PTPRZ1: variants seen among roughly 807,000 people sequenced by gnomAD.
The protein encoded by PTPRZ1 is receptor-type tyrosine-protein phosphatase zeta.
A neutral mutation model predicts 214.1 loss-of-function variants in PTPRZ1; 82 were observed. That is an observed-to-expected ratio of 0.38 (90% CI 0.32 to 0.46). PTPRZ1 has a LOEUF of 0.46. Among genes scored for constraint, PTPRZ1 ranks in the 20% least tolerant of loss-of-function variants. PTPRZ1 has a pLI of 1.00. For missense variants in PTPRZ1, 2,603 were observed against 2,748.7 expected (o/e 0.95, Z 1.19); for synonymous variants, 945 against 987.9 (o/e 0.96, Z 0.81).
intron 24 of PTPRZ1, 117 bp downstream of exon 24, chr7:122,051,638 T>C: frequency 1.1e-6 from 1 of 918,654 alleles, no homozygotes; most frequent in Non-Finnish European, 1.7e-6. Context: ...ATATTTTTAA[T>C]TTTGTCCAAT....
chr7:121,899,708 C>A (rs1322065880), intron 1 of PTPRZ1, among the ~76,000 whole-genome samples: 1 of 152,114 alleles, frequency 6.6e-6, no homozygotes, highest in Non-Finnish European at 1.5e-5. Flanking sequence ...TAGCTCTGTG[C>A]AAGTCAGACT....
Position 121,955,759 on chromosome 7 carries a change from C to G in PTPRZ1, c.125-12192C>G, listed in dbSNP as rs114374838. Reference sequence around the variant, plus strand: ...GTCACAGTGTCACCTTATTTCTGAGCCTTTTCTTTCTTCTGAAGTGGTGTC... The same window carrying G: ...GTCACAGTGTCACCTTATTTCTGAGGCTTTTCTTTCTTCTGAAGTGGTGTC... On this transcript the variant is annotated intron_variant, in intron 2 of 29. Coordinates refer to ENST00000393386, the MANE Select transcript of PTPRZ1 (RefSeq NM_002851.3). Among the ~76,000 whole-genome samples the G allele has an allele frequency of 1.0e-3, 154 of 152,198 alleles. 1 individual carries two copies. Among genetic ancestry groups the G allele is most frequent in the African/African-American group, 3.4e-3 (143 of 41,516 alleles).
intron 1 of PTPRZ1, among the ~76,000 whole-genome samples, chr7:121,914,620 C>T (rs1253897005): frequency 6.6e-6 from 1 of 152,142 alleles, no homozygotes; most frequent in East Asian, 1.9e-4. Context: ...TCATTAAAAT[C>T]ATAAATCATC....
intron 2 of PTPRZ1, among the ~76,000 whole-genome samples, chr7:121,965,664 A>G (rs889626552): frequency 2.6e-5 from 4 of 152,180 alleles, no homozygotes; most frequent in Non-Finnish European, 4.4e-5. Context: ...TCATATTCAT[A>G]AGTCCTGTTC....
At chr7:121,947,013 T>A (rs1216189775) in intron 2 of PTPRZ1, among the ~76,000 whole-genome samples, 3 of 152,136 alleles carry the variant, frequency 2.0e-5, no homozygotes, top group Admixed American at 2.0e-4. Context: ...GGAAACTTAT[T>A]CCCTAAAGGT....
intron 13 of PTPRZ1, among the ~76,000 whole-genome samples, chr7:122,022,341 T>G (rs1367894782): frequency 6.6e-6 from 1 of 152,244 alleles, no homozygotes; most frequent in African/African-American, 2.4e-5. Context: ...TGTATTCAAA[T>G]CCTTTGCTGC....
chr7:121,906,694 A>G lies in PTPRZ1; in HGVS notation c.59-21462A>G, dbSNP rs528664407. Among the ~76,000 whole-genome samples, 31 of 152,296 alleles carry G rather than the reference A, an allele frequency of 2.0e-4. 1 individual carries two copies. The South Asian group carries it at 6.2e-3, about 30-fold the overall frequency. ...TTATGTCTTGGATGGGGCTTGGGAA[A>G]GGGCAGTGGGTTCTGACTACACGTC... On this transcript the variant is annotated intron_variant, in intron 1 of 29. Coordinates refer to ENST00000393386, the MANE Select transcript of PTPRZ1 (RefSeq NM_002851.3).
chr7:121,883,689 C>T (rs1342860783), intron 1 of PTPRZ1, among the ~76,000 whole-genome samples: 7 of 152,156 alleles, frequency 4.6e-5, no homozygotes, highest in African/African-American at 1.4e-4. Context: ...TGCAATGGTG[C>T]GATCTTGGCT....
intron 2 of PTPRZ1, among the ~76,000 whole-genome samples, chr7:121,944,331 T>G (rs1225385401): frequency 6.6e-6 from 1 of 152,124 alleles, no homozygotes; most frequent in Non-Finnish European, 1.5e-5. Context: ...TAAGATTGTG[T>G]TTTTCATTCT....
At chr7:121,999,872 T>C (rs1291082420) in intron 10 of PTPRZ1, among the ~76,000 whole-genome samples, 5 of 152,146 alleles carry the variant, frequency 3.3e-5, no homozygotes, top group Non-Finnish European at 7.4e-5. Context: ...TATTTTCACA[T>C]TTGTACTAAA....
At chr7:122,024,801 A>G (rs1048077827) in intron 13 of PTPRZ1, among the ~76,000 whole-genome samples, 3 of 152,162 alleles carry the variant, frequency 2.0e-5, no homozygotes, top group Non-Finnish European at 4.4e-5. Flanking sequence ...CCTCAATGCC[A>G]ACATGTTTTA....
At chr7:122,029,527 A>C (rs1444150491) in intron 14 of PTPRZ1, among the ~76,000 whole-genome samples, 1 of 151,976 alleles carries the variant, frequency 6.6e-6, no homozygotes, top group Non-Finnish European at 1.5e-5. Flanking sequence ...AAAAGGAAAG[A>C]GAAGTTAAGA....
intron 1 of PTPRZ1, among the ~76,000 whole-genome samples, chr7:121,880,694 T>C (rs1317562134): frequency 6.6e-6 from 1 of 152,190 alleles, no homozygotes; most frequent in Non-Finnish European, 1.5e-5. Flanking sequence ...GCTGGCCAGA[T>C]ATAAGGAAGT....
chr7:121,974,295 A>G (rs1797362395), intron 4 of PTPRZ1, among the ~76,000 whole-genome samples: 1 of 152,194 alleles, frequency 6.6e-6, no homozygotes, highest in South Asian at 2.1e-4. Flanking sequence ...TAAGCAACAT[A>G]TCACTTCTGA....
At chr7:121,994,441 C>A (rs1165751740) in intron 8 of PTPRZ1, among the ~76,000 whole-genome samples, 3 of 151,590 alleles carry the variant, frequency 2.0e-5, no homozygotes, top group Non-Finnish European at 2.9e-5. Context: ...ATTACAGGCG[C>A]CCGCCACCAC....
At chr7:122,044,352 A>T in intron 22 of PTPRZ1, 70 bp from the exon 23 acceptor site, 1 of 1,552,442 alleles carries the variant, frequency 6.4e-7, no homozygotes. Context: ...AATGGAAGGT[A>T]CTATGTTTGT....
chr7:121,965,057 A>G (rs34636578), intron 2 of PTPRZ1, among the ~76,000 whole-genome samples: 9,196 of 152,288 alleles, frequency 0.06, 325 homozygotes, highest in Non-Finnish European at 0.085. Context: ...GTGATCTGGC[A>G]TATATTTTTA....
At chr7:121,897,388 A>T (rs1041288009) in intron 1 of PTPRZ1, among the ~76,000 whole-genome samples, 1 of 152,188 alleles carries the variant, frequency 6.6e-6, no homozygotes, top group Non-Finnish European at 1.5e-5. Flanking sequence ...AAAATGTAAC[A>T]TGACTTCTTC....
chr7:122,016,556 TTAAGATCAAATATCC>T, intron 12 of PTPRZ1, among the ~76,000 whole-genome samples: 1 of 152,086 alleles, frequency 6.6e-6, no homozygotes, highest in African/African-American at 2.4e-5. Flanking sequence ...ATTAAAGGAT[TTAAGATCAAATATCC>T]CAGAGCACTT....
Sources: gnomAD v4.1 joint callset for allele counts (sites outside exome capture counted in the v4.1 genomes callset) on GRCh38, gnomAD v4.1.1 for gene constraint, MANE v1.5 for transcripts, NCBI Gene and HGNC (gene_info 2026-07-23, HGNC 2026-07-21) for gene names.